Variants in ANKRD55 observed in about 807,000 individuals in gnomAD.
ANKRD55 encodes ankyrin repeat domain 55, also known as ankyrin repeat domain-containing protein 55.
In ANKRD55, 41 loss-of-function variants were observed where a neutral mutation model predicts 60.6. That is an observed-to-expected ratio of 0.68 (90% CI 0.53 to 0.88). ANKRD55 has a LOEUF of 0.88. ANKRD55 is among the 40% of genes least tolerant of loss of function. ANKRD55 has a pLI of 0.00. For missense variants in ANKRD55, 732 were observed against 767.6 expected (o/e 0.95, Z 0.55); for synonymous variants, 264 against 290.3 (o/e 0.91, Z 0.92).
chr5:56,120,225 C>T (rs1266628944), intron 8 of ANKRD55, among the ~76,000 whole-genome samples: 6 of 152,136 alleles, frequency 3.9e-5, no homozygotes, highest in East Asian at 3.9e-4. Context: ...TTAGTAGAGA[C>T]AGGGTTTCAT....
At chr5:56,120,610 G>A (rs1304020933) in intron 8 of ANKRD55, among the ~76,000 whole-genome samples, 3 of 152,112 alleles carry the variant, frequency 2.0e-5, no homozygotes, top group Non-Finnish European at 2.9e-5. Flanking sequence ...CAATGGACGA[G>A]GTGGGACAGC....
At chr5:56,132,660 A>G (rs1186650647) in intron 7 of ANKRD55, among the ~76,000 whole-genome samples, 1 of 151,834 alleles carries the variant, frequency 6.6e-6, no homozygotes, top group Non-Finnish European at 1.5e-5. Flanking sequence ...ATGTTACTCT[A>G]ACTATATGAA....
At chr5:56,199,405 A>T (rs896807809) in intron 2 of ANKRD55, among the ~76,000 whole-genome samples, 1 of 152,172 alleles carries the variant, frequency 6.6e-6, no homozygotes, top group Non-Finnish European at 1.5e-5. Context: ...TTTGGAATCT[A>T]ACAATTATTT....
chr5:56,166,043 T>C (rs1326982435), intron 5 of ANKRD55, among the ~76,000 whole-genome samples: 1 of 152,220 alleles, frequency 6.6e-6, no homozygotes, highest in African/African-American at 2.4e-5. Flanking sequence ...CTCATACTCA[T>C]GAGCTGGCAC....
At chr5:56,221,999 G>C (rs533889786) in intron 2 of ANKRD55, among the ~76,000 whole-genome samples, 3 of 152,292 alleles carry the variant, frequency 2.0e-5, no homozygotes, top group South Asian at 4.1e-4. Flanking sequence ...AGAGAGTAGT[G>C]GTTCTCCCAG....
intron 2 of ANKRD55, among the ~76,000 whole-genome samples, chr5:56,231,702 C>T (rs887309048): frequency 1.3e-5 from 2 of 150,688 alleles, no homozygotes; most frequent in African/African-American, 4.9e-5. Context: ...CACACATACA[C>T]ATACACAAAC....
Position 56,170,712 on chromosome 5 carries a change from G to A in ANKRD55, c.404C>T (p.Thr135Ile). 3 of 1,614,154 alleles carry A rather than the reference G, an allele frequency of 1.9e-6. No individual in the cohort carries two copies. The highest frequency in any genetic ancestry group is 2.5e-6 in the Non-Finnish European group (3 of 1,180,002). Residue 135 changes from threonine (T) to isoleucine (I), a missense_variant, in exon 5 of 12, where the codon ACT becomes ATT. By Grantham distance (89) the Thr-to-Ile change is moderately conservative. Transcript: ENST00000341048. ...KNGRLPLHAA[T>I]AEPDMRLLTV... ...CACTTACCTCATATCGGGCTCAGCA[G>A]TGGCAGCATGCAGTGGCAGGCGGCC...
chr5:56,144,314 C>A (rs887637153), intron 6 of ANKRD55, among the ~76,000 whole-genome samples: 5 of 152,180 alleles, frequency 3.3e-5, no homozygotes, highest in African/African-American at 1.2e-4. Context: ...CTGTTCTAAA[C>A]AGGCCTCTGA....
chr5:56,221,987 G>A (rs1759977939), intron 2 of ANKRD55, among the ~76,000 whole-genome samples: 1 of 152,218 alleles, frequency 6.6e-6, no homozygotes, highest in Non-Finnish European at 1.5e-5. Flanking sequence ...TGGCAGCTTT[G>A]AAGAGAGTAG....
chr5:56,183,315 T>G (rs1347355699), intron 3 of ANKRD55, among the ~76,000 whole-genome samples, 197 bp downstream of exon 3: 1 of 152,230 alleles, frequency 6.6e-6, no homozygotes, highest in Non-Finnish European at 1.5e-5. Context: ...CCTATCTATT[T>G]TGGTCATTCA....
In ANKRD55 at chr5:56,111,216, G is replaced by A; in HGVS notation, c.1532C>T (p.Ser511Phe). The part of the protein sequence containing the change: ...VFSYKVWTVS[S>F]SDKLLDRLLS... ...CAATCTGTCCAGCAGCTTATCAGAA[G>A]AAGACACAGTCCAAACTTTGTAGGA... The change falls in exon 10 of 12, where the codon TCT becomes TTT. Residue 511 changes from serine (S) to phenylalanine (F), a missense_variant. Ser to Phe is a radical substitution (Grantham distance 155). Coordinates refer to ENST00000341048, the MANE Select transcript of ANKRD55 (RefSeq NM_024669.3). 4 of 1,614,234 alleles carry A rather than the reference G, an allele frequency of 2.5e-6. No individual in the cohort carries two copies. Among genetic ancestry groups the A allele is most frequent in the Non-Finnish European group, 3.4e-6 (4 of 1,180,038 alleles).
chr5:56,151,190 T>C (rs1170945869), intron 6 of ANKRD55, among the ~76,000 whole-genome samples: 1 of 152,138 alleles, frequency 6.6e-6, no homozygotes, highest in African/African-American at 2.4e-5. Context: ...AAGTTATCCA[T>C]AGGTTTCACA....
intron 11 of ANKRD55, 133 bp downstream of exon 11, chr5:56,102,361 A>G: frequency 1.8e-6 from 1 of 540,696 alleles, no homozygotes; most frequent in South Asian, 2.3e-5. Flanking sequence ...ATTGCACTCT[A>G]GCCGGGGCGA....
intron 7 of ANKRD55, among the ~76,000 whole-genome samples, chr5:56,131,131 A>G (rs1024938469): frequency 1.3e-5 from 2 of 151,776 alleles, no homozygotes; most frequent in African/African-American, 4.8e-5. Context: ...CTCAGAGAAC[A>G]CCAAGCACGA....
intron 5 of ANKRD55, among the ~76,000 whole-genome samples, chr5:56,165,705 G>A (rs577657860): frequency 1.1e-3 from 169 of 152,176 alleles, no homozygotes; most frequent in African/African-American, 3.8e-3. Flanking sequence ...TGAGGTGGGC[G>A]GATCACCTGA....
intron 3 of ANKRD55, among the ~76,000 whole-genome samples, chr5:56,179,099 A>G (rs1758803771): frequency 6.6e-6 from 1 of 152,200 alleles, no homozygotes; most frequent in Admixed American, 6.5e-5. Flanking sequence ...ATCAAAGATG[A>G]TAATGAAGAA....
intron 9 of ANKRD55, among the ~76,000 whole-genome samples, chr5:56,115,586 T>C (rs995315187): frequency 6.6e-6 from 1 of 152,078 alleles, no homozygotes; most frequent in Non-Finnish European, 1.5e-5. Context: ...CTTCCCAAAG[T>C]GCTAGGATTA....
chr5:56,172,945 G>C (rs901613872), intron 4 of ANKRD55, among the ~76,000 whole-genome samples: 2 of 152,192 alleles, frequency 1.3e-5, no homozygotes, highest in Non-Finnish European at 2.9e-5. Context: ...CCTGGCTGCT[G>C]AAACTGCCTG....
At chr5:56,123,391 T>G (rs1412901539) in intron 8 of ANKRD55, among the ~76,000 whole-genome samples, 1 of 152,136 alleles carries the variant, frequency 6.6e-6, no homozygotes, top group Non-Finnish European at 1.5e-5. Context: ...TTAAACACCT[T>G]TTTCCTGTTA....
Sources: allele counts gnomAD v4.1 joint callset (sites outside exome capture counted in the v4.1 genomes callset), GRCh38; gene constraint gnomAD v4.1.1; transcripts MANE v1.5; gene names NCBI Gene and HGNC (gene_info 2026-07-23, HGNC 2026-07-21).